Variants in SLC39A12 observed in about 807,000 individuals in gnomAD.
The protein encoded by SLC39A12 is solute carrier family 39 member 12.
A neutral mutation model predicts 71.1 loss-of-function variants in SLC39A12; 63 were observed. The observed-to-expected ratio is 0.89, with a 90% CI of 0.72 to 1.09. SLC39A12 has a LOEUF of 1.09. Among genes scored for constraint, SLC39A12 ranks in the 50% least tolerant of loss-of-function variants. The pLI, the probability that SLC39A12 is intolerant of heterozygous loss-of-function variation, is 0.00. For synonymous variants in SLC39A12, 351 were observed against 301.3 expected, an observed-to-expected ratio of 1.16 and a Z score of -1.71; for missense variants, 892 against 812.6, an observed-to-expected ratio of 1.10 and a Z score of -1.19.
chr10:17,966,730 G>T (rs1247116445), intron 4 of SLC39A12, among the ~76,000 whole-genome samples: 1 of 152,044 alleles, frequency 6.6e-6, no homozygotes, highest in East Asian at 1.9e-4. Context: ...AGCACTTTGG[G>T]AGGCTGAGGC....
At chr10:17,977,562 C>T (rs908145308) in intron 4 of SLC39A12, among the ~76,000 whole-genome samples, 9 of 152,122 alleles carry the variant, frequency 5.9e-5, no homozygotes, top group South Asian at 2.1e-4. Flanking sequence ...CTCCCTTTCA[C>T]GGCTTTTCTT....
intron 12 of SLC39A12, among the ~76,000 whole-genome samples, chr10:18,028,999 C>T (rs1392955177): frequency 2.0e-5 from 3 of 151,946 alleles, no homozygotes; most frequent in Admixed American, 1.3e-4. Context: ...GGATTACAGG[C>T]GTGAGCCACC....
At position 17,992,923 on chromosome 10, in the gene SLC39A12, G is replaced by T. The variant is rs1367861455; in HGVS notation, c.1423-258G>T. On this transcript the variant is annotated intron_variant, in intron 8 of 12. Coordinates refer to ENST00000377369, the MANE Select transcript of SLC39A12 (RefSeq NM_001145195.2). ...ATCATTGCGGTATCTCCATCAGAAAGAATTTAAAATTTAATTTTGTGTAAA... is the reference window on the plus strand; with the variant it reads ...ATCATTGCGGTATCTCCATCAGAAATAATTTAAAATTTAATTTTGTGTAAA... Among the ~76,000 whole-genome samples the T allele has an allele frequency of 2.0e-5, 3 of 152,226 alleles. No homozygotes were observed. In the East Asian group the frequency reaches 5.8e-4, roughly 29 times the overall value.
At chr10:17,968,246 G>A (rs114337932) in intron 4 of SLC39A12, among the ~76,000 whole-genome samples, 2,130 of 151,620 alleles carry the variant, frequency 0.014, 41 homozygotes, top group African/African-American at 0.044. Flanking sequence ...ATCTAATTGC[G>A]TTGGTTAATA....
chr10:18,033,885 A>C (rs959992812), intron 12 of SLC39A12, among the ~76,000 whole-genome samples: 1 of 151,942 alleles, frequency 6.6e-6, no homozygotes, highest in Admixed American at 6.6e-5. Flanking sequence ...AACATCTTTA[A>C]TTCTGCCTTC....
intron 12 of SLC39A12, among the ~76,000 whole-genome samples, chr10:18,038,448 C>G (rs1443003471): frequency 6.6e-6 from 1 of 152,076 alleles, no homozygotes; most frequent in Non-Finnish European, 1.5e-5. Context: ...GTCAGGAGTT[C>G]AAGACCAGCC....
At chr10:17,972,062 AT>A (rs1173223663) in intron 4 of SLC39A12, among the ~76,000 whole-genome samples, 2 of 151,950 alleles carry the variant, frequency 1.3e-5, no homozygotes, top group Non-Finnish European at 2.9e-5. Flanking sequence ...ACGTTTTTCT[AT>A]TTCCTTGTTA....
chr10:18,020,363 C>T (rs1476826610), intron 12 of SLC39A12, among the ~76,000 whole-genome samples: 1 of 151,944 alleles, frequency 6.6e-6, no homozygotes, highest in Admixed American at 6.6e-5. Context: ...TTATCCACTC[C>T]ACCATTGTCA....
intron 12 of SLC39A12, among the ~76,000 whole-genome samples, chr10:18,036,537 C>T (rs957447371): frequency 1.1e-4 from 16 of 151,694 alleles, no homozygotes; most frequent in African/African-American, 2.9e-4. Flanking sequence ...CACTGGCCTG[C>T]GCCCACTGTC....
chr10:18,022,717 A>T (rs1349450202), intron 12 of SLC39A12, among the ~76,000 whole-genome samples: 2 of 152,122 alleles, frequency 1.3e-5, no homozygotes, highest in Non-Finnish European at 1.5e-5. Context: ...TTGATTTTAG[A>T]GTTGCCAGGG....
chr10:17,956,832 T>C (rs1423286952), intron 2 of SLC39A12, among the ~76,000 whole-genome samples: 1 of 152,190 alleles, frequency 6.6e-6, no homozygotes, highest in African/African-American at 2.4e-5. Context: ...TATCTAACAA[T>C]TTCATCTTAA....
intron 6 of SLC39A12, among the ~76,000 whole-genome samples, chr10:17,985,735 CCT>C (rs1019931472): frequency 1.3e-5 from 2 of 151,928 alleles, no homozygotes; most frequent in Non-Finnish European, 2.9e-5. Flanking sequence ...TCATTTCCTC[CCT>C]CTCTTTTAAT....
rs148462949 is a variant in SLC39A12, at chr10:17,980,175, T to C, written c.925-1137T>C. ...GTGCCTTTCTAATACAATTTCCTCT[T>C]GGTTTTCTGATTTCAGTTGGTTCTG... On this transcript the variant is annotated intron_variant, in intron 5 of 12. Coordinates refer to ENST00000377369, the MANE Select transcript of SLC39A12 (RefSeq NM_001145195.2). Among the ~76,000 whole-genome samples the C allele has an allele frequency of 2.4e-3, 362 of 152,292 alleles. 2 individuals are homozygous for C. The highest frequency in any genetic ancestry group is 8.4e-3 in the African/African-American group (349 of 41,548).
At chr10:18,042,289 G>A (rs554689173) in intron 12 of SLC39A12, among the ~76,000 whole-genome samples, 1 of 151,892 alleles carries the variant, frequency 6.6e-6, no homozygotes, top group Non-Finnish European at 1.5e-5. Flanking sequence ...ACCTGCCTGG[G>A]CAATACAGGG....
chr10:17,966,740 C>T (rs564842432), intron 4 of SLC39A12, among the ~76,000 whole-genome samples: 7 of 151,758 alleles, frequency 4.6e-5, no homozygotes, highest in South Asian at 4.2e-4. Flanking sequence ...GAGGCTGAGG[C>T]GGGTGGATCA....
intron 6 of SLC39A12, among the ~76,000 whole-genome samples, chr10:17,987,149 C>T (rs148604013): frequency 1.9e-4 from 29 of 152,016 alleles, no homozygotes; most frequent in Non-Finnish European, 3.8e-4. Context: ...GGGAACATGA[C>T]GAAACCCCAT....
intron 12 of SLC39A12, among the ~76,000 whole-genome samples, chr10:18,007,598 C>G (rs1461155834): frequency 6.6e-6 from 1 of 152,116 alleles, no homozygotes; most frequent in East Asian, 1.9e-4. Context: ...CAGAGCAACC[C>G]CATTGCTGCT....
At chr10:17,956,738 G>A (rs1554847813) in intron 2 of SLC39A12, among the ~76,000 whole-genome samples, 1 of 152,190 alleles carries the variant, frequency 6.6e-6, no homozygotes, top group African/African-American at 2.4e-5. Context: ...TGCTTTAAGG[G>A]TCTCCATTTA....
chr10:17,964,798 C>G (rs1834780762), intron 3 of SLC39A12, among the ~76,000 whole-genome samples: 1 of 152,134 alleles, frequency 6.6e-6, no homozygotes, highest in South Asian at 2.1e-4. Context: ...GGAATGTCAG[C>G]TTGAAAATCA....
Sources: gnomAD v4.1 joint callset for allele counts (sites outside exome capture counted in the v4.1 genomes callset) on GRCh38, gnomAD v4.1.1 for gene constraint, MANE v1.5 for transcripts, NCBI Gene and HGNC (gene_info 2026-07-23, HGNC 2026-07-21) for gene names.